Variants in TENM3 observed in about 807,000 individuals in gnomAD.
The protein encoded by TENM3 is teneurin transmembrane protein 3, also known as teneurin-3.
In TENM3, 63 loss-of-function variants were observed where a neutral mutation model predicts 255.1. The observed-to-expected ratio is 0.25, with a 90% CI of 0.20 to 0.30. TENM3 has a LOEUF of 0.30. TENM3 is among the 10% of genes least tolerant of loss of function. TENM3 has a pLI of 1.00. For missense variants in TENM3, 2,929 were observed against 3,461.1 expected (o/e 0.85, Z 3.86); for synonymous variants, 1,306 against 1,322.3 (o/e 0.99, Z 0.27).
the TENM3 span, among the ~76,000 whole-genome samples, chr4:182,057,105 G>A: frequency 2.6e-5 from 4 of 151,566 alleles, no homozygotes; most frequent in Non-Finnish European, 5.9e-5. Flanking sequence ...ACCTGAAAAC[G>A]CTCAGATGCT....
chr4:182,378,676 T>C (rs11947139), intron 3 of TENM3, among the ~76,000 whole-genome samples: 6,802 of 152,178 alleles, frequency 0.045, 491 homozygotes, highest in African/African-American at 0.15. Flanking sequence ...GCATAACTCA[T>C]GAAATAAGGT....
At chr4:182,066,599 A>AAAATAT in the TENM3 span, among the ~76,000 whole-genome samples, 513 of 137,098 alleles carry the variant, frequency 3.7e-3, 3 homozygotes, top group African/African-American at 0.013. Context: ...GTAAAAAAAA[A>AAAATAT]ATATATATAT....
At chr4:181,498,039 T>G in the TENM3 span, among the ~76,000 whole-genome samples, 5 of 152,266 alleles carry the variant, frequency 3.3e-5, no homozygotes, top group South Asian at 1.0e-3. Flanking sequence ...ACTTTTAGGG[T>G]CATAAATGGC....
At chr4:181,723,848 C>T in the TENM3 span, among the ~76,000 whole-genome samples, 1 of 152,114 alleles carries the variant, frequency 6.6e-6, no homozygotes, top group Non-Finnish European at 1.5e-5. Flanking sequence ...AAAGTCTGGA[C>T]ATTCTGAGAA....
chr4:181,517,181 G>C, the TENM3 span, among the ~76,000 whole-genome samples: 2 of 151,882 alleles, frequency 1.3e-5, no homozygotes, highest in Non-Finnish European at 2.9e-5. Flanking sequence ...GGTTCTGTAA[G>C]AGATGGAAGG....
chr4:182,354,622 A>C (rs1195984534), intron 3 of TENM3, among the ~76,000 whole-genome samples: 1 of 152,312 alleles, frequency 6.6e-6, no homozygotes, highest in Admixed American at 6.5e-5. Context: ...ATACATGATT[A>C]TCTTGTACAT....
the TENM3 span, among the ~76,000 whole-genome samples, chr4:181,849,977 A>ACACACACG: frequency 6.7e-6 from 1 of 148,516 alleles, no homozygotes; most frequent in African/African-American, 2.5e-5. Flanking sequence ...ACACACACAC[A>ACACACACG]CACACACACA....
chr4:181,898,100 A>G, the TENM3 span, among the ~76,000 whole-genome samples: 1 of 152,230 alleles, frequency 6.6e-6, no homozygotes, highest in African/African-American at 2.4e-5. Context: ...GATAAGATCA[A>G]GTCAAGCAGC....
chr4:182,309,742 T>C (rs770965503), intron 1 of TENM3, among the ~76,000 whole-genome samples: 1 of 152,212 alleles, frequency 6.6e-6, no homozygotes, highest in Non-Finnish European at 1.5e-5. Flanking sequence ...TCTCTTGCTC[T>C]CAACCGTATA....
intron 1 of TENM3, among the ~76,000 whole-genome samples, chr4:182,162,294 C>T (rs1293269971): frequency 6.6e-6 from 1 of 152,082 alleles, no homozygotes; most frequent in Non-Finnish European, 1.5e-5. Context: ...GTTCAGTTAT[C>T]ATTTATTAAA....
intron 3 of TENM3, among the ~76,000 whole-genome samples, chr4:182,495,163 G>C (rs76541844): frequency 6.6e-6 from 1 of 152,144 alleles, no homozygotes; most frequent in Non-Finnish European, 1.5e-5. Flanking sequence ...GCTCAGATGC[G>C]CGAGCTCTCT....
At chr4:182,251,813 G>A (rs1234238866) in intron 1 of TENM3, among the ~76,000 whole-genome samples, 1 of 152,174 alleles carries the variant, frequency 6.6e-6, no homozygotes, top group Non-Finnish European at 1.5e-5. Flanking sequence ...CTTGGTGACT[G>A]TAAATGAGAT....
chr4:182,722,187 A>G (rs1431095069), intron 13 of TENM3, among the ~76,000 whole-genome samples: 9 of 152,184 alleles, frequency 5.9e-5, no homozygotes, highest in African/African-American at 2.2e-4. Context: ...TTATAATTCC[A>G]TGGATTGCTT....
At chr4:181,792,515 GA>G in the TENM3 span, among the ~76,000 whole-genome samples, 1,347 of 152,110 alleles carry the variant, frequency 8.9e-3, 20 homozygotes, top group African/African-American at 0.031. Flanking sequence ...GATTGATAGG[GA>G]AAAAAATACG....
the TENM3 span, among the ~76,000 whole-genome samples, chr4:181,811,210 A>G: frequency 6.6e-6 from 1 of 152,142 alleles, no homozygotes; most frequent in Non-Finnish European, 1.5e-5. Context: ...TTGACAGGCT[A>G]TTTTTCTACC....
At chr4:181,659,331 G>T in the TENM3 span, among the ~76,000 whole-genome samples, 1 of 152,010 alleles carries the variant, frequency 6.6e-6, no homozygotes, top group Non-Finnish European at 1.5e-5. Context: ...TACTTTGACC[G>T]CTTTACTTTC....
chr4:181,458,856 T>G, the TENM3 span, among the ~76,000 whole-genome samples: 1 of 152,002 alleles, frequency 6.6e-6, no homozygotes, highest in Non-Finnish European at 1.5e-5. Context: ...AAAGACGCTA[T>G]GAATATTTAA....
At chr4:181,548,681 A>G in the TENM3 span, among the ~76,000 whole-genome samples, 7 of 152,168 alleles carry the variant, frequency 4.6e-5, no homozygotes, top group African/African-American at 7.2e-5. Flanking sequence ...CCCTAGGAGG[A>G]AGATAAGAGC....
At chr4:182,512,753 C>T (rs1737543778) in intron 3 of TENM3, among the ~76,000 whole-genome samples, 1 of 152,136 alleles carries the variant, frequency 6.6e-6, no homozygotes. Context: ...GGGCAAATGA[C>T]TTAATCCCTC....
Sources: allele counts gnomAD v4.1 joint callset (sites outside exome capture counted in the v4.1 genomes callset), GRCh38; gene constraint gnomAD v4.1.1; transcripts MANE v1.5; gene names NCBI Gene and HGNC (gene_info 2026-07-23, HGNC 2026-07-21).